Variants in USP10 observed in about 807,000 individuals in gnomAD.
USP10 encodes ubiquitin carboxyl-terminal hydrolase 10.
USP10 carries 22 observed loss-of-function variants against 84.5 expected under a neutral mutation model. That is an observed-to-expected ratio of 0.26 (90% CI 0.19 to 0.37). USP10 has a LOEUF of 0.37. Among genes scored for constraint, USP10 ranks in the 10% least tolerant of loss-of-function variants. The pLI is 1.00. For synonymous variants in USP10, 454 were observed against 387.6 expected, an observed-to-expected ratio of 1.17 and a Z score of -2.01; for missense variants, 1,019 against 998.9, an observed-to-expected ratio of 1.02 and a Z score of -0.27.
At position 84,744,838 on chromosome 16, in the gene USP10, C is replaced by T. The variant is rs1433978795; in HGVS notation, c.357C>T (p.Gly119=). Residue 119 remains glycine, a synonymous_variant, in exon 4 of 14, where the codon GGC becomes GGT. Coordinates refer to ENST00000219473, the MANE Select transcript of USP10 (RefSeq NM_005153.3). ...GCTCCATCGACTGCCAGTACCCAGG[C>T]TCTGCCCTCGCTTTGGATGGAAGTT... ...SYGSIDCQYP[G]SALALDGSSN... is the part of the protein sequence containing the mutation. 1 of 1,613,758 alleles carries T rather than the reference C, an allele frequency of 6.2e-7. No homozygotes were observed. The highest frequency in any genetic ancestry group is 1.7e-5 in the Admixed American group (1 of 59,996).
At chr16:84,774,909 A>T (rs1237243671) in intron 12 of USP10, among the ~76,000 whole-genome samples, 1 of 152,194 alleles carries the variant, frequency 6.6e-6, no homozygotes, top group African/African-American at 2.4e-5. Flanking sequence ...GGCCTCCCAC[A>T]GGAGCATCAC....
At chr16:84,746,451 G>A (rs2150825347) in intron 4 of USP10, among the ~76,000 whole-genome samples, 1 of 152,356 alleles carries the variant, frequency 6.6e-6, no homozygotes, top group East Asian at 1.9e-4. Flanking sequence ...TGGTGGTGCA[G>A]CCTATTACTC....
At chr16:84,747,626 C>G (rs1438646713) in intron 4 of USP10, among the ~76,000 whole-genome samples, 3 of 134,842 alleles carry the variant, frequency 2.2e-5, no homozygotes, top group African/African-American at 8.3e-5. Flanking sequence ...GCAGGAGGCA[C>G]GATCTTGGCT....
chr16:84,754,478 A>G (rs1432474734), intron 4 of USP10, among the ~76,000 whole-genome samples: 1 of 152,192 alleles, frequency 6.6e-6, no homozygotes, highest in Non-Finnish European at 1.5e-5. Context: ...TACACGTCCC[A>G]AGGGCCCGTA....
chr16:84,757,399 GGGGGTGTGTGTGTGTGTGTGT>G (rs1912692699), intron 4 of USP10, among the ~76,000 whole-genome samples: 2 of 70,436 alleles, frequency 2.8e-5, no homozygotes, highest in Non-Finnish European at 6.9e-5. Flanking sequence ...TGAGAGGGGT[GGGGGTGTGTGTGTGTGTGTGT>G]GTGTGTGTGT....
At chr16:84,715,533 C>T (rs896327165) in intron 1 of USP10, among the ~76,000 whole-genome samples, 8 of 152,178 alleles carry the variant, frequency 5.3e-5, no homozygotes, top group African/African-American at 1.4e-4. Flanking sequence ...AGTGAGTCCA[C>T]CTGGGTGACC....
chr16:84,759,772 T>C (rs1395137315), intron 6 of USP10, 119 bp from the exon 7 acceptor site: 1 of 1,054,648 alleles, frequency 9.5e-7, no homozygotes, highest in East Asian at 2.5e-5. Context: ...GTTACAGCAT[T>C]GGTTACCTAA....
At chr16:84,760,425 T>C (rs1279269441) in intron 8 of USP10, 150 bp downstream of exon 8, 1 of 670,168 alleles carries the variant, frequency 1.5e-6, no homozygotes, top group Non-Finnish European at 2.6e-6. Context: ...GATGATATGG[T>C]GCACCAAGCA....
At chr16:84,769,000 C>T (rs1213348022) in intron 11 of USP10, among the ~76,000 whole-genome samples, 2 of 152,130 alleles carry the variant, frequency 1.3e-5, no homozygotes, top group Non-Finnish European at 2.9e-5. Context: ...CCTGGCTGTC[C>T]AGATGTGCCA....
intron 1 of USP10, among the ~76,000 whole-genome samples, chr16:84,701,488 A>T (rs981942392): frequency 6.6e-6 from 1 of 152,152 alleles, no homozygotes; most frequent in South Asian, 2.1e-4. Context: ...AAAAAAAAAG[A>T]TTTGATATTT....
chr16:84,740,478 C>T (rs1567618028), intron 3 of USP10, 109 bp downstream of exon 3: 2 of 934,544 alleles, frequency 2.1e-6, no homozygotes, highest in Non-Finnish European at 3.3e-6. Context: ...TTCTTTGTAG[C>T]TTGAAGTTTT....
rs113759840 is a variant in USP10 at position 84,700,032 on chromosome 16, G to T, written c.-59G>T. On this transcript the variant is annotated 5_prime_UTR_variant, in exon 1 of 14. Coordinates refer to ENST00000219473, the MANE Select transcript of USP10 (RefSeq NM_005153.3). ...TATGTGCGGGCGAGAAGATGGCGGC[G>T]GCGGGGGAAGCAGCGTGAGCAGCCG... is the stretch of plus-strand genomic sequence containing the variant. 1.6e-5 allele frequency: 21 copies of T among 1,337,930 alleles called. No homozygotes were observed. Among genetic ancestry groups the T allele is most frequent in the Admixed American group, 2.6e-5 (1 of 38,368 alleles). 82.9% of individuals were successfully genotyped at this position (1,337,930 alleles called of 1,614,324 possible). A position where few individuals can be genotyped will look rare whatever the true frequency, so the allele number is the denominator to read the frequency against.
chr16:84,712,632 C>T (rs1906464679), intron 1 of USP10, among the ~76,000 whole-genome samples: 1 of 152,306 alleles, frequency 6.6e-6, no homozygotes, highest in East Asian at 1.9e-4. Context: ...GATTTGCCGT[C>T]TATAGAAATA....
chr16:84,749,201 A>G (rs1227381144), intron 4 of USP10, among the ~76,000 whole-genome samples: 3 of 152,176 alleles, frequency 2.0e-5, no homozygotes, highest in African/African-American at 7.2e-5. Context: ...GATTTACTTT[A>G]TAAAAGTGGT....
At chr16:84,700,355 G>C (rs1018214780) in intron 1 of USP10, among the ~76,000 whole-genome samples, 15 of 152,086 alleles carry the variant, frequency 9.9e-5, no homozygotes, top group Admixed American at 9.2e-4. Context: ...TCCGGGCCCC[G>C]CTTGGGGAGG....
intron 4 of USP10, among the ~76,000 whole-genome samples, chr16:84,755,065 T>G (rs1417590878): frequency 1.3e-5 from 2 of 151,846 alleles, no homozygotes; most frequent in Non-Finnish European, 2.9e-5. Context: ...AATGCTTTCC[T>G]TTTAAGAGTG....
chr16:84,707,911 T>C (rs1905751941), intron 1 of USP10, among the ~76,000 whole-genome samples: 1 of 151,852 alleles, frequency 6.6e-6, no homozygotes, highest in African/African-American at 2.4e-5. Context: ...AAACTCTTTC[T>C]CTACAAAAAT....
intron 1 of USP10, chr16:84,732,640 G>T (rs190510252): frequency 3.4e-4 from 104 of 303,858 alleles, no homozygotes; most frequent in African/African-American, 2.2e-3. Context: ...AAAGATGGGG[G>T]TTTCACCATG....
chr16:84,700,459 G>T (rs925496447), intron 1 of USP10, among the ~76,000 whole-genome samples: 2 of 151,998 alleles, frequency 1.3e-5, no homozygotes, highest in African/African-American at 4.8e-5. Flanking sequence ...GCGCCGGCCG[G>T]GGGAGGCGGC....
Sources: allele counts gnomAD v4.1 joint callset (sites outside exome capture counted in the v4.1 genomes callset), GRCh38; gene constraint gnomAD v4.1.1; transcripts MANE v1.5; gene names NCBI Gene and HGNC (gene_info 2026-07-23, HGNC 2026-07-21).